GRIK2: variants seen among roughly 807,000 people sequenced by gnomAD.
GRIK2 encodes the protein glutamate receptor ionotropic, kainate 2.
In GRIK2, 32 loss-of-function variants were observed where a neutral mutation model predicts 100.3. The ratio of observed to expected loss-of-function variants is 0.32; its 90% CI spans 0.24 to 0.43. The LOEUF is 0.43. Ranked by LOEUF, GRIK2 falls within the 20% of genes least tolerant of loss-of-function variation. The pLI is 1.00. For missense variants in GRIK2, 843 were observed against 1,114.9 expected (o/e 0.76, Z 3.47); for synonymous variants, 417 against 389.4 (o/e 1.07, Z -0.83).
rs572819527 is a variant in GRIK2 at position 102,047,254 on chromosome 6, A to C, written c.2312-8076A>C. ...AGAATAGAAAAACCATAGGAAAAAA[A>C]CCCAATAGTCACTTCTTTAAAAAAA... On this transcript the variant is annotated intron_variant, in intron 15 of 16. Transcript: ENST00000369134. 4.6e-5 allele frequency among the ~76,000 whole-genome samples: 7 copies of C among 152,164 alleles called. No homozygotes were observed. The East Asian group carries it at 7.8e-4, about 17-fold the overall frequency.
At chr6:101,636,866 G>C (rs1005078393) in intron 4 of GRIK2, among the ~76,000 whole-genome samples, 9 of 152,024 alleles carry the variant, frequency 5.9e-5, no homozygotes, top group Admixed American at 5.9e-4. Context: ...TTTTTGGTAG[G>C]TACTGCCCTC....
chr6:102,002,389 GTATA>G (rs1794991637), intron 14 of GRIK2, among the ~76,000 whole-genome samples: 1 of 138,316 alleles, frequency 7.2e-6, no homozygotes, highest in Non-Finnish European at 1.6e-5. Flanking sequence ...TTATATATAT[GTATA>G]TATGTATATT....
intron 7 of GRIK2, among the ~76,000 whole-genome samples, chr6:101,790,425 G>A (rs934928843): frequency 1.3e-5 from 2 of 151,984 alleles, no homozygotes; most frequent in Non-Finnish European, 2.9e-5. Context: ...AAGGGTTGTT[G>A]AATTTTGTCA....
Position 101,399,254 on chromosome 6 carries a change from C to G in GRIK2, c.-24C>G, listed in dbSNP as rs369721382. 47 of 1,107,620 alleles carry G rather than the reference C, an allele frequency of 4.2e-5. No individual in the cohort carries two copies. Among genetic ancestry groups the G allele is most frequent in the Admixed American group, 1.3e-4 (8 of 59,362 alleles). 68.6% of individuals were successfully genotyped at this position (1,107,620 alleles called of 1,614,324 possible). A position where few individuals can be genotyped will look rare whatever the true frequency, so the allele number is the denominator to read the frequency against. On this transcript the variant is annotated 5_prime_UTR_variant, in exon 2 of 17. Coordinates refer to ENST00000369134, the MANE Select transcript of GRIK2 (RefSeq NM_021956.5). ...AACGCTAGATCGGGGAAGTGGGTGC[C>G]GTGCGTGTGGGCACAGAAACACCAT...
At chr6:101,542,580 T>C (rs557828936) in intron 2 of GRIK2, among the ~76,000 whole-genome samples, 1 of 152,250 alleles carries the variant, frequency 6.6e-6, no homozygotes, top group South Asian at 2.1e-4. Context: ...TAAAAGATCA[T>C]ATTATAGTTT....
At chr6:101,666,107 C>T (rs1770010267) in intron 4 of GRIK2, among the ~76,000 whole-genome samples, 1 of 152,140 alleles carries the variant, frequency 6.6e-6, no homozygotes. Context: ...AAAGATTACT[C>T]TCAAGTTTGA....
intron 11 of GRIK2, among the ~76,000 whole-genome samples, chr6:101,862,525 C>A (rs1053852763): frequency 6.6e-6 from 1 of 152,006 alleles, no homozygotes; most frequent in African/African-American, 2.4e-5. Context: ...AAGCCCTTGG[C>A]TCAAGCAGTC....
intron 7 of GRIK2, among the ~76,000 whole-genome samples, chr6:101,760,032 G>C (rs1206174046): frequency 7.2e-6 from 1 of 138,872 alleles, no homozygotes; most frequent in African/African-American, 2.9e-5. Flanking sequence ...ACCGCGCCCG[G>C]CTAATTTTTT....
intron 14 of GRIK2, among the ~76,000 whole-genome samples, chr6:101,930,914 T>C (rs2128472469): frequency 6.6e-6 from 1 of 152,118 alleles, no homozygotes; most frequent in East Asian, 1.9e-4. Context: ...CAACAGCACA[T>C]ATATTATTTC....
At chr6:101,967,287 T>A (rs923329505) in intron 14 of GRIK2, among the ~76,000 whole-genome samples, 3 of 152,082 alleles carry the variant, frequency 2.0e-5, no homozygotes, top group Non-Finnish European at 4.4e-5. Flanking sequence ...GTCATATAAC[T>A]GTTTTTCTTC....
At chr6:101,719,674 T>C (rs1774337519) in intron 7 of GRIK2, among the ~76,000 whole-genome samples, 1 of 152,026 alleles carries the variant, frequency 6.6e-6, no homozygotes, top group Non-Finnish European at 1.5e-5. Context: ...TTGCACATTA[T>C]ATGAATAGCT....
intron 14 of GRIK2, among the ~76,000 whole-genome samples, chr6:101,949,049 A>T (rs2128478317): frequency 6.6e-6 from 1 of 152,290 alleles, no homozygotes; most frequent in African/African-American, 2.4e-5. Flanking sequence ...TAATTCAAAT[A>T]TACACACCCA....
At chr6:101,567,936 C>T (rs1263637316) in intron 2 of GRIK2, among the ~76,000 whole-genome samples, 1 of 151,564 alleles carries the variant, frequency 6.6e-6, no homozygotes, top group Non-Finnish European at 1.5e-5. Context: ...AATAATATGC[C>T]ACTTGTAGAT....
intron 11 of GRIK2, among the ~76,000 whole-genome samples, chr6:101,869,999 A>G (rs1582419893): frequency 6.6e-6 from 1 of 152,136 alleles, no homozygotes; most frequent in South Asian, 2.1e-4. Flanking sequence ...CAGTAGGTAC[A>G]GGACTTATTC....
At chr6:101,617,219 A>G (rs1779930957) in intron 2 of GRIK2, among the ~76,000 whole-genome samples, 1 of 151,746 alleles carries the variant, frequency 6.6e-6, no homozygotes, top group African/African-American at 2.4e-5. Flanking sequence ...GTAAAGTTCT[A>G]GTAATAAGTA....
At chr6:101,545,774 A>G (rs1776200891) in intron 2 of GRIK2, among the ~76,000 whole-genome samples, 1 of 152,154 alleles carries the variant, frequency 6.6e-6, no homozygotes, top group African/African-American at 2.4e-5. Flanking sequence ...ACAAACCTTA[A>G]AGTCTTTCTC....
intron 4 of GRIK2, among the ~76,000 whole-genome samples, chr6:101,665,003 A>G (rs1769911692): frequency 6.6e-6 from 1 of 152,194 alleles, no homozygotes; most frequent in Admixed American, 6.5e-5. Flanking sequence ...TGTGGAGATC[A>G]GGAAAGCTAC....
chr6:101,487,424 A>G (rs899434095), intron 2 of GRIK2, among the ~76,000 whole-genome samples: 1 of 146,252 alleles, frequency 6.8e-6, no homozygotes, highest in African/African-American at 2.6e-5. Context: ...TCCCATCTCC[A>G]CCACAGTGTT....
chr6:101,524,062 A>G (rs1775023269), intron 2 of GRIK2, among the ~76,000 whole-genome samples: 1 of 152,148 alleles, frequency 6.6e-6, no homozygotes, highest in African/African-American at 2.4e-5. Context: ...TCATGTGACT[A>G]ATTCAGATCA....
Sources: gnomAD v4.1 joint callset for allele counts (sites outside exome capture counted in the v4.1 genomes callset) on GRCh38, gnomAD v4.1.1 for gene constraint, MANE v1.5 for transcripts, NCBI Gene and HGNC (gene_info 2026-07-23, HGNC 2026-07-21) for gene names.